The following AGPS variants were observed in gnomAD, a reference collection of about 807,000 sequenced individuals.
AGPS encodes the protein alkylglycerone phosphate synthase, also known as alkyldihydroxyacetonephosphate synthase, peroxisomal.
In AGPS, 26 loss-of-function variants were observed where a neutral mutation model predicts 90.7. The ratio of observed to expected loss-of-function variants is 0.29; its 90% confidence interval spans 0.21 to 0.40. AGPS has a LOEUF of 0.40. Ranked by LOEUF, AGPS falls within the 10% of genes least tolerant of loss-of-function variation. The pLI, the probability that AGPS is intolerant of heterozygous loss-of-function variation, is 1.00. For missense variants in AGPS, 540 were observed against 816.1 expected, an observed-to-expected ratio of 0.66 and a Z score of 4.12; for synonymous variants, 294 against 285.3, an observed-to-expected ratio of 1.03 and a Z score of -0.31.
intron 17 of AGPS, among the ~76,000 whole-genome samples, chr2:177,519,297 A>G (rs1307585068): frequency 6.6e-6 from 1 of 152,084 alleles, no homozygotes; most frequent in East Asian, 1.9e-4. Flanking sequence ...CTAGAACAAT[A>G]TCTTATGTTT....
chr2:177,469,098 C>G (rs1218406496), intron 10 of AGPS, among the ~76,000 whole-genome samples: 2 of 152,000 alleles, frequency 1.3e-5, no homozygotes, highest in Non-Finnish European at 2.9e-5. Flanking sequence ...CTGTGCAGAT[C>G]TGGAAAGAAG....
chr2:177,413,682 C>T (rs1447387400), intron 1 of AGPS, among the ~76,000 whole-genome samples: 1 of 152,134 alleles, frequency 6.6e-6, no homozygotes, highest in Non-Finnish European at 1.5e-5. Flanking sequence ...CCTCCTGATG[C>T]AGATTTGGAT....
chr2:177,538,282 T>A lies in AGPS; in HGVS notation c.*87T>A. 1 of 1,372,116 alleles carries A rather than the reference T, an allele frequency of 7.3e-7. No individual in the cohort carries two copies. The highest frequency in any genetic ancestry group is 1.0e-6 in the Non-Finnish European group (1 of 974,596). 85.0% of individuals were successfully genotyped at this position (1,372,116 alleles called of 1,614,324 possible). A position where few individuals can be genotyped will look rare whatever the true frequency, so the allele number is the denominator to read the frequency against. On this transcript the variant is annotated 3_prime_UTR_variant, in exon 20 of 20. Transcript: ENST00000264167. ...ACTAGTAATCAAATATATCATGGAC[T>A]ATATTTTGGATACATTTGTTTCTTT... is the stretch of plus-strand genomic sequence containing the variant.
Position 177,497,716 on chromosome 2 carries a change from C to G in AGPS, c.1313C>G (p.Ser438Cys). ...FGHALKPQVS[S>C]IFTSFLDGLK... ...CATGCTCTTAAACCTCAGGTTTCCT[C>G]TATTTTTACATCATTTTTGGACGGA... Residue 438 changes from serine (S) to cysteine (C), a missense_variant, in exon 13 of 20, where the codon TCT becomes TGT. Coordinates refer to ENST00000264167, the MANE Select transcript of AGPS (RefSeq NM_003659.4). The G allele has an allele frequency of 1.3e-6, 2 of 1,582,012 alleles. No homozygotes were observed. The highest frequency in any genetic ancestry group is 1.7e-6 in the Non-Finnish European group (2 of 1,157,016).
chr2:177,410,104 C>T (rs1685576875), intron 1 of AGPS, among the ~76,000 whole-genome samples: 1 of 152,158 alleles, frequency 6.6e-6, no homozygotes. Flanking sequence ...GGAAACTTGT[C>T]CTCATGAGGG....
chr2:177,420,622 A>G (rs1171154194), intron 2 of AGPS, among the ~76,000 whole-genome samples: 1 of 151,118 alleles, frequency 6.6e-6, no homozygotes, highest in African/African-American at 2.4e-5. Flanking sequence ...ATAATATTAT[A>G]TATCCAAAAT....
intron 16 of AGPS, among the ~76,000 whole-genome samples, chr2:177,513,444 T>C (rs1559079767): frequency 6.6e-6 from 1 of 152,190 alleles, no homozygotes; most frequent in African/African-American, 2.4e-5. Context: ...AAGATTGGTA[T>C]TCCTGTAACC....
intron 19 of AGPS, among the ~76,000 whole-genome samples, chr2:177,528,849 C>CTTTTTTTTTTTTTTTTTTTTT (rs71008000): frequency 1.3e-5 from 1 of 79,142 alleles, no homozygotes. Flanking sequence ...CATATTAATC[C>CTTTTTTTTTTTTTTTTTTTTT]TTTTTTTTTT....
At chr2:177,459,591 C>T (rs543584216) in intron 8 of AGPS, among the ~76,000 whole-genome samples, 7 of 152,178 alleles carry the variant, frequency 4.6e-5, no homozygotes, top group Admixed American at 1.3e-4. Flanking sequence ...TGGTTATTAG[C>T]GAAATGCAAA....
At chr2:177,516,425 A>G (rs1689024845) in intron 17 of AGPS, among the ~76,000 whole-genome samples, 1 of 152,194 alleles carries the variant, frequency 6.6e-6, no homozygotes, top group Non-Finnish European at 1.5e-5. Flanking sequence ...GACTTTGACA[A>G]CCACGCTATT....
chr2:177,407,810 A>T (rs527740965), intron 1 of AGPS, among the ~76,000 whole-genome samples: 3,951 of 145,146 alleles, frequency 0.027, 88 homozygotes, highest in South Asian at 0.069. Flanking sequence ...TTTTTTTTTT[A>T]AAAAAAAGAG....
intron 17 of AGPS, among the ~76,000 whole-genome samples, chr2:177,518,287 T>A (rs992544770): frequency 6.6e-6 from 1 of 151,716 alleles, no homozygotes; most frequent in African/African-American, 2.4e-5. Flanking sequence ...TACAAAAAAA[T>A]TAGCCAGGTG....
intron 3 of AGPS, 71 bp downstream of exon 3, chr2:177,434,488 T>G: frequency 1.7e-6 from 2 of 1,142,904 alleles, no homozygotes; most frequent in Non-Finnish European, 2.6e-6. Context: ...TGATTTATCT[T>G]TGTAATTCAT....
At chr2:177,414,465 T>C (rs987710510) in intron 1 of AGPS, among the ~76,000 whole-genome samples, 3 of 152,156 alleles carry the variant, frequency 2.0e-5, no homozygotes, top group African/African-American at 7.2e-5. Context: ...CACCTTGGCC[T>C]CCCAAAGTGG....
rs145789929 is a variant in AGPS at position 177,419,318 on chromosome 2, A to G, written c.261-951A>G. Among the ~76,000 whole-genome samples, 12 of 152,066 alleles carry G rather than the reference A, an allele frequency of 7.9e-5. No homozygotes were observed. In the East Asian group the frequency reaches 1.7e-3, roughly 22 times the overall value. Reference sequence around the variant, plus strand: ...TTTATTTTGAAATTTTAATGCAGCAAATAACTTTCAAGATAGAAAAGGGTT... The same window carrying G: ...TTTATTTTGAAATTTTAATGCAGCAGATAACTTTCAAGATAGAAAAGGGTT... On this transcript the variant is annotated intron_variant, in intron 1 of 19. Coordinates refer to ENST00000264167, the MANE Select transcript of AGPS (RefSeq NM_003659.4).
At chr2:177,528,849 CTTTTTTTTT>C (rs71008000) in intron 19 of AGPS, among the ~76,000 whole-genome samples, 3 of 79,158 alleles carry the variant, frequency 3.8e-5, no homozygotes, top group East Asian at 4.5e-4. Context: ...CATATTAATC[CTTTTTTTTT>C]TTTTTTTTTT....
intron 10 of AGPS, among the ~76,000 whole-genome samples, chr2:177,478,496 T>C (rs1366260893): frequency 1.3e-5 from 2 of 152,194 alleles, no homozygotes; most frequent in Non-Finnish European, 2.9e-5. Flanking sequence ...ATTGGTGTGC[T>C]TAATGGTTTC....
In AGPS at chr2:177,414,692, G is replaced by C. The variant is rs367931369; in HGVS notation, c.261-5577G>C. Among the ~76,000 whole-genome samples the C allele has an allele frequency of 2.1e-4, 32 of 152,116 alleles. 1 individual carries two copies. The highest frequency in any genetic ancestry group is 1.3e-4 in the Admixed American group (2 of 15,278). On this transcript the variant is annotated intron_variant, in intron 1 of 19. Coordinates refer to ENST00000264167, the MANE Select transcript of AGPS (RefSeq NM_003659.4). ...TATAATAAACCATCATGAAAGTTCT[G>C]TGTATATATGGAAGAAAGAATTATT...
In AGPS at chr2:177,441,011, T is replaced by C. The variant is rs1156911145; in HGVS notation, c.684T>C (p.Tyr228=). 6 of 1,612,864 alleles carry C rather than the reference T, an allele frequency of 3.7e-6. No homozygotes were observed. Among genetic ancestry groups the C allele is most frequent in the Non-Finnish European group, 5.1e-6 (6 of 1,179,168 alleles). The part of the protein sequence containing the change: ...VVKIVNLACK[Y]NLCIIPIGGG... ...AGATTGTGAATCTAGCTTGCAAATATAATCTTTGTATCATACCAATTGGTG... is the reference window on the plus strand; with the variant it reads ...AGATTGTGAATCTAGCTTGCAAATACAATCTTTGTATCATACCAATTGGTG... Residue 228 remains tyrosine (Y), a synonymous_variant, in exon 6 of 20, where the codon TAT becomes TAC. Coordinates refer to ENST00000264167, the MANE Select transcript of AGPS (RefSeq NM_003659.4).
Sources: allele counts gnomAD v4.1 joint callset (sites outside exome capture counted in the v4.1 genomes callset), GRCh38; gene constraint gnomAD v4.1.1; transcripts MANE v1.5; gene names NCBI Gene and HGNC (gene_info 2026-07-23, HGNC 2026-07-21).